VPS50: variants seen among roughly 807,000 people sequenced by gnomAD.
VPS50 encodes VPS50 subunit of EARP/GARPII complex.
In VPS50, 70 loss-of-function variants were observed where a neutral mutation model predicts 139.7. That is an observed-to-expected ratio of 0.50 (90% CI 0.41 to 0.61). The LOEUF (loss-of-function observed/expected upper bound fraction) is 0.61. Ranked by LOEUF, VPS50 falls within the 20% of genes least tolerant of loss-of-function variation. VPS50 has a pLI of 0.00. For synonymous variants in VPS50, 365 were observed against 376.7 expected, an observed-to-expected ratio of 0.97 and a Z score of 0.36; for missense variants, 921 against 1,133.7, an observed-to-expected ratio of 0.81 and a Z score of 2.69.
chr7:93,291,020 A>G (rs1186792632), intron 12 of VPS50, among the ~76,000 whole-genome samples: 1 of 152,096 alleles, frequency 6.6e-6, no homozygotes, highest in Non-Finnish European at 1.5e-5. Flanking sequence ...ATCTCAAATG[A>G]TGGAGCAATT....
At chr7:93,240,217 G>GCACACACACACACACA (rs371902647) in intron 2 of VPS50, among the ~76,000 whole-genome samples, 11 of 142,294 alleles carry the variant, frequency 7.7e-5, no homozygotes, top group East Asian at 4.2e-4. Flanking sequence ...ATATGTGTAT[G>GCACACACACACACACA]CACACACACA....
chr7:93,330,619 T>G (rs1357828638), intron 21 of VPS50, among the ~76,000 whole-genome samples: 4 of 151,970 alleles, frequency 2.6e-5, no homozygotes, highest in African/African-American at 9.7e-5. Context: ...CCAAGTGTGG[T>G]GGCTTGCTCC....
intron 20 of VPS50, among the ~76,000 whole-genome samples, chr7:93,322,669 A>G (rs1036058384): frequency 6.6e-6 from 1 of 151,852 alleles, no homozygotes; most frequent in Admixed American, 6.6e-5. Flanking sequence ...TAGAGCCAGC[A>G]CCTGAATTAT....
chr7:93,340,442 A>G (rs1453524216), intron 22 of VPS50, among the ~76,000 whole-genome samples: 1 of 152,220 alleles, frequency 6.6e-6, no homozygotes, highest in Non-Finnish European at 1.5e-5. Flanking sequence ...TGGCAAAAAA[A>G]GGTGGCCAGT....
chr7:93,259,738 T>C, intron 9 of VPS50, 106 bp downstream of exon 9: 1 of 584,232 alleles, frequency 1.7e-6, no homozygotes. Context: ...AGTGTTGTGT[T>C]CTAGTTTAAC....
intron 22 of VPS50, among the ~76,000 whole-genome samples, chr7:93,336,899 A>G (rs1197833939): frequency 1.3e-5 from 2 of 152,190 alleles, no homozygotes; most frequent in African/African-American, 2.4e-5. Flanking sequence ...TTGTAGTAGT[A>G]CATTGGTGGT....
chr7:93,258,430 A>T, intron 8 of VPS50, 38 bp downstream of exon 8: 1 of 1,503,498 alleles, frequency 6.7e-7, no homozygotes. Flanking sequence ...GGTCCTACTG[A>T]TATATAGAAA....
chr7:93,245,683 T>G (rs2116796736), intron 2 of VPS50, among the ~76,000 whole-genome samples: 1 of 151,984 alleles, frequency 6.6e-6, no homozygotes, highest in Admixed American at 6.6e-5. Flanking sequence ...CCAAAACCTC[T>G]TTTTAAATTG....
At chr7:93,296,597 T>G in intron 14 of VPS50, 145 bp from the exon 15 acceptor site, 1 of 1,399,298 alleles carries the variant, frequency 7.1e-7, no homozygotes, top group Non-Finnish European at 9.3e-7. Flanking sequence ...TTAAGGATGT[T>G]GGCTATTGGC....
chr7:93,276,071 T>C, intron 11 of VPS50, 94 bp from the exon 12 acceptor site: 1 of 1,170,676 alleles, frequency 8.5e-7, no homozygotes, highest in Non-Finnish European at 1.2e-6. Context: ...GTAACTATTA[T>C]TTGAAAAGAT....
chr7:93,356,529 G>A (rs750005329), intron 27 of VPS50, among the ~76,000 whole-genome samples: 27 of 152,122 alleles, frequency 1.8e-4, no homozygotes, highest in Admixed American at 2.0e-4. Flanking sequence ...ACACTGACAC[G>A]TATTAGTGAT....
Position 93,311,240 on chromosome 7 carries a change from C to A in VPS50, c.1823C>A (p.Thr608Lys). ...AATAAAGTGAATGCACCTATCTTAA[C>A]AAATACAACATTGAACGTCATAAGA... ...SLNKVNAPIL[T>K]NTTLNVIRLV... Residue 608 changes from threonine (T) to lysine (K), a missense_variant, in exon 20 of 28, where the codon ACA (threonine) becomes AAA (lysine). This residue lies in a region of VPS50 where 744 missense variants were observed against 930.6 expected (regional missense o/e 0.80). Coordinates refer to ENST00000305866, the MANE Select transcript of VPS50 (RefSeq NM_017667.4). 1 of 1,333,460 alleles carries A rather than the reference C, an allele frequency of 7.5e-7. No individual in the cohort carries two copies. Among genetic ancestry groups the A allele is most frequent in the Non-Finnish European group, 1.1e-6 (1 of 924,288 alleles). 82.6% of individuals were successfully genotyped at this position (1,333,460 alleles called of 1,614,324 possible). A position where few individuals can be genotyped will look rare whatever the true frequency, so the allele number is the denominator to read the frequency against.
chr7:93,331,345 A>G (rs184620591), intron 21 of VPS50, among the ~76,000 whole-genome samples: 1 of 151,920 alleles, frequency 6.6e-6, no homozygotes, highest in Admixed American at 6.6e-5. Context: ...GGATTTTTAT[A>G]CCTGATTTCA....
chr7:93,334,993 CTA>C (rs1442887952), intron 22 of VPS50, among the ~76,000 whole-genome samples: 1 of 152,038 alleles, frequency 6.6e-6, no homozygotes, highest in African/African-American at 2.4e-5. Flanking sequence ...TTCATAAGCT[CTA>C]TATTATGTGC....
At chr7:93,259,045 T>C (rs556839061) in intron 8 of VPS50, among the ~76,000 whole-genome samples, 3 of 152,066 alleles carry the variant, frequency 2.0e-5, no homozygotes, top group East Asian at 1.9e-4. Flanking sequence ...GAAAAATTCA[T>C]TGGGCATTAA....
intron 23 of VPS50, among the ~76,000 whole-genome samples, chr7:93,344,579 A>C (rs1440640793): frequency 6.6e-6 from 1 of 152,162 alleles, no homozygotes; most frequent in African/African-American, 2.4e-5. Flanking sequence ...ACATACTTGG[A>C]AGTAAAGCTC....
chr7:93,306,534 G>A (rs1201713425), intron 18 of VPS50, among the ~76,000 whole-genome samples: 1 of 151,868 alleles, frequency 6.6e-6, no homozygotes, highest in African/African-American at 2.4e-5. Context: ...TAGACGTAGT[G>A]TGAGTTAGTG....
intron 16 of VPS50, among the ~76,000 whole-genome samples, chr7:93,298,881 C>T (rs967748372): frequency 2.0e-5 from 3 of 152,128 alleles, no homozygotes; most frequent in Admixed American, 1.3e-4. Flanking sequence ...GGGTTCTTGT[C>T]GCATTTTTTG....
intron 11 of VPS50, 46 bp downstream of exon 11, chr7:93,272,779 GT>G (rs1796048008): frequency 1.1e-6 from 1 of 878,350 alleles, no homozygotes; most frequent in South Asian, 1.5e-5. Context: ...TCAGGAATTT[GT>G]TGTCCTTCAT....
Sources: allele counts gnomAD v4.1 joint callset (sites outside exome capture counted in the v4.1 genomes callset), GRCh38; gene constraint gnomAD v4.1.1; regional missense constraint gnomAD v4.1.1; transcripts MANE v1.5; gene names NCBI Gene and HGNC (gene_info 2026-07-23, HGNC 2026-07-21).